The following SAXO5 variants were observed in gnomAD, a reference collection of about 807,000 sequenced individuals.
The protein encoded by SAXO5 is testis expressed 45.
chr19:7,506,751 T>C, the SAXO5 span: 3 of 378,882 alleles, frequency 7.9e-6, no homozygotes, highest in East Asian at 6.0e-5. Flanking sequence ...TCTTTCCCAG[T>C]TCCTCCCTCT....
chr19:7,504,320 G>A, the SAXO5 span: 366 of 1,614,198 alleles, frequency 2.3e-4, no homozygotes, highest in African/African-American at 3.5e-3. Context: ...GGCCTCCTCC[G>A]GAGTGGAGCT....
At chr19:7,506,587 A>C in the SAXO5 span, 1 of 330,238 alleles carries the variant, frequency 3.0e-6, no homozygotes, top group South Asian at 2.4e-5. Flanking sequence ...GGCCCTGCCC[A>C]CAGACTCATC....
the SAXO5 span, among the ~76,000 whole-genome samples, chr19:7,503,915 T>C: frequency 1.3e-5 from 2 of 152,268 alleles, no homozygotes. Flanking sequence ...ATTACAGGCA[T>C]GGGCCATTGC....
chr19:7,504,982 T>C, the SAXO5 span, among the ~76,000 whole-genome samples: 1 of 136,874 alleles, frequency 7.3e-6, no homozygotes, highest in African/African-American at 2.8e-5. Flanking sequence ...TCTTCTTTTT[T>C]TTTTTCTTTT....
the SAXO5 span, among the ~76,000 whole-genome samples, chr19:7,498,200 C>CA: frequency 1.3e-5 from 2 of 149,742 alleles, no homozygotes; most frequent in African/African-American, 4.9e-5. Flanking sequence ...CACACACACA[C>CA]CCTTCATCCA....
At chr19:7,498,026 C>T in the SAXO5 span, among the ~76,000 whole-genome samples, 1 of 151,752 alleles carries the variant, frequency 6.6e-6, no homozygotes, top group Non-Finnish European at 1.5e-5. Context: ...TGGCGGACAC[C>T]TACAGTCCCA....
the SAXO5 span, chr19:7,506,443 C>T: frequency 5.9e-6 from 3 of 505,420 alleles, no homozygotes; most frequent in Non-Finnish European, 1.1e-5. Context: ...CCTTCATGGC[C>T]ATGCCTCTCC....
chr19:7,501,651 G>A, the SAXO5 span, among the ~76,000 whole-genome samples: 2 of 150,438 alleles, frequency 1.3e-5, no homozygotes, highest in Non-Finnish European at 3.0e-5. Flanking sequence ...GAGGAACCCC[G>A]CCTCTACTAA....
chr19:7,504,080 A>G, the SAXO5 span: 1 of 1,201,798 alleles, frequency 8.3e-7, no homozygotes, highest in Admixed American at 1.9e-5. Context: ...GGGAATCTCA[A>G]TCTCTCTCTC....
the SAXO5 span, chr19:7,505,966 G>A: frequency 4.4e-6 from 7 of 1,576,902 alleles, no homozygotes; most frequent in Admixed American, 1.8e-5. Context: ...TCCTACAGCC[G>A]CCACCCCCGA....
chr19:7,499,505 A>C, the SAXO5 span: 2 of 152,238 alleles, frequency 1.3e-5, no homozygotes, highest in African/African-American at 4.8e-5. Context: ...AGAAGGAGAA[A>C]ACCGTGGCCT....
chr19:7,504,122 G>C, the SAXO5 span: 2 of 1,609,822 alleles, frequency 1.2e-6, no homozygotes, highest in South Asian at 2.2e-5. Flanking sequence ...TATCCTAAGG[G>C]GGCCCCAACA....
the SAXO5 span, chr19:7,504,026 C>G: frequency 1.1e-6 from 1 of 881,238 alleles, no homozygotes; most frequent in Non-Finnish European, 1.8e-6. Context: ...AGCTCCCCTT[C>G]CCAGGCAAGA....
At chr19:7,507,177 C>G in the SAXO5 span, 1 of 1,540,030 alleles carries the variant, frequency 6.5e-7, no homozygotes, top group Non-Finnish European at 9.0e-7. Flanking sequence ...CATCATTAGG[C>G]AACCCCCACA....
chr19:7,498,537 C>A, the SAXO5 span, among the ~76,000 whole-genome samples: 116 of 152,010 alleles, frequency 7.6e-4, no homozygotes, highest in African/African-American at 2.5e-3. Flanking sequence ...GCTGGGATTA[C>A]AGGCATGCGC....
the SAXO5 span, chr19:7,506,467 A>C: frequency 3.8e-5 from 16 of 417,370 alleles, no homozygotes; most frequent in Middle Eastern, 1.5e-3. Context: ...TCATAACTCC[A>C]TCCTTCTGGA....
the SAXO5 span, chr19:7,504,523 T>G: frequency 6.5e-6 from 5 of 775,006 alleles, no homozygotes; most frequent in Non-Finnish European, 1.1e-5. Context: ...CTGGCCAATA[T>G]GGTGAAACCC....
the SAXO5 span, chr19:7,505,595 T>G: frequency 6.2e-7 from 1 of 1,614,082 alleles, no homozygotes; most frequent in Middle Eastern, 1.6e-4. Context: ...CCCGGCAGTC[T>G]GGACACCTTC....
the SAXO5 span, among the ~76,000 whole-genome samples, chr19:7,504,684 C>A: frequency 1.4e-5 from 2 of 145,222 alleles, no homozygotes; most frequent in Non-Finnish European, 3.0e-5. Flanking sequence ...CCAGCCTGTT[C>A]GACAGAGCAA....
Sources: gnomAD v4.1 joint callset for allele counts (sites outside exome capture counted in the v4.1 genomes callset) on GRCh38, gnomAD v4.1.1 for gene constraint, MANE v1.5 for transcripts, NCBI Gene and HGNC (gene_info 2026-07-23, HGNC 2026-07-21) for gene names.